The following DLGAP1 variants were observed in gnomAD, a reference collection of about 807,000 sequenced individuals.
DLGAP1 encodes disks large-associated protein 1.
In DLGAP1, 11 loss-of-function variants were observed where a neutral mutation model predicts 90.8. That is an observed-to-expected ratio of 0.12 (90% CI 0.08 to 0.20). The LOEUF is 0.20. Among genes scored for constraint, DLGAP1 ranks in the 10% least tolerant of loss-of-function variants. DLGAP1 has a pLI of 1.00. For synonymous variants in DLGAP1, 558 were observed against 540.7 expected, an observed-to-expected ratio of 1.03 and a Z score of -0.44; for missense variants, 1,050 against 1,333.8, an observed-to-expected ratio of 0.79 and a Z score of 3.31.
At chr18:4,212,353 C>T (rs1422259503) in intron 1 of DLGAP1, among the ~76,000 whole-genome samples, 1 of 151,940 alleles carries the variant, frequency 6.6e-6, no homozygotes, top group Non-Finnish European at 1.5e-5. Context: ...TCTGGAAATG[C>T]AGGAAAAGGA....
intron 5 of DLGAP1, among the ~76,000 whole-genome samples, chr18:3,762,171 A>C (rs2063999339): frequency 6.6e-6 from 1 of 152,226 alleles, no homozygotes; most frequent in South Asian, 2.1e-4. Flanking sequence ...ATAGAATTAA[A>C]ACTCAATATA....
intron 2 of DLGAP1, among the ~76,000 whole-genome samples, chr18:4,143,188 A>G (rs1589447): frequency 0.4 from 60,071 of 151,836 alleles, 13,041 homozygotes; most frequent in African/African-American, 0.59. Flanking sequence ...AGCTAGGCTC[A>G]TATCCTACCC....
chr18:4,417,630 A>G (rs2082928592), intron 1 of DLGAP1, among the ~76,000 whole-genome samples: 1 of 152,214 alleles, frequency 6.6e-6, no homozygotes. Flanking sequence ...GAGAAAGTTT[A>G]AGTAAAGTGT....
At chr18:4,215,546 T>A (rs559959013) in intron 1 of DLGAP1, among the ~76,000 whole-genome samples, 11 of 152,252 alleles carry the variant, frequency 7.2e-5, no homozygotes, top group Middle Eastern at 3.4e-3. Context: ...TAAATACTCT[T>A]GGAAGGACAG....
chr18:3,755,470 C>CA (rs2063681495), intron 5 of DLGAP1, among the ~76,000 whole-genome samples: 1 of 149,850 alleles, frequency 6.7e-6, no homozygotes, highest in Non-Finnish European at 1.5e-5. Flanking sequence ...CAAAAAACAA[C>CA]AAAAAAACAA....
At chr18:3,590,312 T>A (rs2056159841) in intron 7 of DLGAP1, among the ~76,000 whole-genome samples, 1 of 152,236 alleles carries the variant, frequency 6.6e-6, no homozygotes, top group Non-Finnish European at 1.5e-5. Context: ...GCACATTTCT[T>A]TCTACCTCTG....
chr18:3,867,981 A>T (rs960500824), intron 4 of DLGAP1, among the ~76,000 whole-genome samples: 1 of 152,066 alleles, frequency 6.6e-6, no homozygotes, highest in Non-Finnish European at 1.5e-5. Flanking sequence ...CGGCCTGTGG[A>T]TTTGATTTTT....
intron 4 of DLGAP1, among the ~76,000 whole-genome samples, chr18:3,838,857 T>C (rs1316390975): frequency 6.6e-6 from 1 of 152,240 alleles, no homozygotes; most frequent in Non-Finnish European, 1.5e-5. Context: ...TTTACTGTAC[T>C]TGAAAATAAA....
At chr18:3,798,412 T>G (rs748307660) in intron 5 of DLGAP1, among the ~76,000 whole-genome samples, 16 of 152,066 alleles carry the variant, frequency 1.1e-4, no homozygotes, top group Non-Finnish European at 2.9e-5. Flanking sequence ...TACCTTCCTT[T>G]TAGGGACAGG....
At position 4,416,115 on chromosome 18, in the gene DLGAP1, C is replaced by T. The variant is rs924362690; in HGVS notation, c.-267+38891G>A. On this transcript the variant is annotated intron_variant, in intron 1 of 12. Transcript: ENST00000315677. ...CTAGAATATATTGTATGCTTCAGAA[C>T]CTAAATTGTAGTGACATATTAATAC... Among the ~76,000 whole-genome samples, 20 of 114,234 alleles carry T rather than the reference C, an allele frequency of 1.8e-4. 1 individual carries two copies. The highest frequency in any genetic ancestry group is 7.1e-4 in the African/African-American group (18 of 25,430). The allele number at this position is 114,234 out of a possible 152,430, so 74.9% of individuals were successfully genotyped here. A position where few individuals can be genotyped will look rare whatever the true frequency, so the allele number is the denominator to read the frequency against.
At chr18:4,153,281 G>A (rs1339777973) in intron 1 of DLGAP1, among the ~76,000 whole-genome samples, 1 of 152,168 alleles carries the variant, frequency 6.6e-6, no homozygotes, top group African/African-American at 2.4e-5. Flanking sequence ...ATATTCATGG[G>A]TAAGGCAGGG....
intron 1 of DLGAP1, among the ~76,000 whole-genome samples, chr18:4,423,521 A>G (rs1488282016): frequency 6.6e-6 from 1 of 152,086 alleles, no homozygotes; most frequent in East Asian, 1.9e-4. Context: ...AACAAAGTAT[A>G]GTAAATGATT....
At chr18:3,741,881 C>T (rs1307382701) in intron 6 of DLGAP1, among the ~76,000 whole-genome samples, 4 of 149,662 alleles carry the variant, frequency 2.7e-5, no homozygotes, top group Non-Finnish European at 4.4e-5. Flanking sequence ...CTTGCTATGT[C>T]GCCCAGGCTG....
At chr18:4,415,510 T>C (rs1225350021) in intron 1 of DLGAP1, among the ~76,000 whole-genome samples, 3 of 152,218 alleles carry the variant, frequency 2.0e-5, no homozygotes, top group Non-Finnish European at 2.9e-5. Flanking sequence ...CATTAGAACA[T>C]AATTCCTCAT....
At chr18:3,957,939 G>A (rs1001108042) in intron 3 of DLGAP1, among the ~76,000 whole-genome samples, 8 of 151,162 alleles carry the variant, frequency 5.3e-5, no homozygotes, top group East Asian at 1.9e-4. Flanking sequence ...TGTTGCCCAG[G>A]CTGGAGTGCA....
intron 7 of DLGAP1, among the ~76,000 whole-genome samples, chr18:3,632,376 A>G (rs2058556329): frequency 1.3e-5 from 2 of 149,522 alleles, no homozygotes; most frequent in African/African-American, 4.9e-5. Context: ...ATCTCTGCTC[A>G]CTGCAACCTC....
intron 1 of DLGAP1, among the ~76,000 whole-genome samples, chr18:4,431,491 T>A (rs550153066): frequency 6.6e-6 from 1 of 152,356 alleles, no homozygotes; most frequent in South Asian, 2.1e-4. Context: ...CTTCAGTCAA[T>A]AAACTCTATT....
In DLGAP1 at chr18:3,725,223, G is replaced by C. The variant is rs138185363; in HGVS notation, c.1591+3912C>G. Among the ~76,000 whole-genome samples, 26 of 152,226 alleles carry C rather than the reference G, an allele frequency of 1.7e-4. No individual in the cohort carries two copies. In the East Asian group the frequency reaches 4.4e-3, roughly 26 times the overall value. On this transcript the variant is annotated intron_variant, in intron 7 of 12. Transcript: ENST00000315677. ...AGACAATAATTAGATCACCACATAT[G>C]ATTATTAGACAATGTTTCTGCCTAT...
intron 1 of DLGAP1, among the ~76,000 whole-genome samples, chr18:4,434,978 C>T (rs1215693522): frequency 1.3e-5 from 2 of 152,196 alleles, no homozygotes; most frequent in Non-Finnish European, 2.9e-5. Flanking sequence ...TTGACCAGGT[C>T]ATGAGAGACT....
Sources: gnomAD v4.1 joint callset for allele counts (sites outside exome capture counted in the v4.1 genomes callset) on GRCh38, gnomAD v4.1.1 for gene constraint, MANE v1.5 for transcripts, NCBI Gene and HGNC (gene_info 2026-07-23, HGNC 2026-07-21) for gene names.